Variants in C2CD2 observed in about 807,000 individuals in gnomAD.
The protein encoded by C2CD2 is C2 calcium dependent domain containing 2.
A neutral mutation model predicts 74.3 loss-of-function variants in C2CD2; 43 were observed. The observed-to-expected ratio is 0.58, with a 90% CI of 0.45 to 0.75. The LOEUF (loss-of-function observed/expected upper bound fraction) is 0.75. Among genes scored for constraint, C2CD2 ranks in the 30% least tolerant of loss-of-function variants. C2CD2 has a pLI of 0.00. For synonymous variants in C2CD2, 422 were observed against 390.7 expected, an observed-to-expected ratio of 1.08 and a Z score of -0.94; for missense variants, 801 against 916.3, an observed-to-expected ratio of 0.87 and a Z score of 1.63.
At chr21:41,946,634 GTCTTTCTGGCATT>G (rs1287523054) in intron 1 of C2CD2, among the ~76,000 whole-genome samples, 1 of 152,174 alleles carries the variant, frequency 6.6e-6, no homozygotes, top group Admixed American at 6.5e-5. Flanking sequence ...TAAACCACCA[GTCTTTCTGGCATT>G]TCTTTCTGGC....
At chr21:41,901,028 T>G (rs190633183) in intron 12 of C2CD2, 245 of 152,488 alleles carry the variant, frequency 1.6e-3, no homozygotes, top group Non-Finnish European at 2.0e-3. Context: ...TTTTAAAAAA[T>G]GTAATAAAAA....
In C2CD2 at chr21:41,926,400, C is replaced by T; in HGVS notation, c.379-4315G>A. The T allele has an allele frequency of 1.0e-6, 1 of 982,772 alleles. No individual in the cohort carries two copies. Among genetic ancestry groups the T allele is most frequent in the Non-Finnish European group, 1.2e-6 (1 of 827,686 alleles). The allele number at this position is 982,772 out of a possible 1,614,324, so 60.9% of individuals were successfully genotyped here. A position where few individuals can be genotyped will look rare whatever the true frequency, so the allele number is the denominator to read the frequency against. ...CACATGGAAAGGCCAAGGGGGGACT[C>T]ACGGTTGGCAGGTGAGGGTTTGGGT... is the stretch of plus-strand genomic sequence containing the variant. On this transcript the variant is annotated intron_variant, in intron 2 of 13. Transcript: ENST00000380486. The surrounding 1 kb of genome is among the most constrained non-coding windows in gnomAD (Gnocchi z 8.0).
At chr21:41,936,509 G>A (rs971366695) in intron 2 of C2CD2, among the ~76,000 whole-genome samples, 16 of 152,132 alleles carry the variant, frequency 1.1e-4, no homozygotes, top group African/African-American at 3.4e-4. Context: ...AAATTATTCC[G>A]GCCATTACAG....
rs769083213 is a variant in C2CD2, at chr21:41,907,017, C to A, written c.1293G>T (p.Val431=). ...CAGAGCTCAGCGGGGACGCCCTCCC[C>A]ACGTCGACGCGAGGCTTGGTCTTCA... ...TAVKTKPRVD[V]GRASPLSSDS... The change falls in exon 10 of 14, where the codon GTG becomes GTT. Residue 431 remains valine, a synonymous_variant. Coordinates refer to ENST00000380486, the MANE Select transcript of C2CD2 (RefSeq NM_015500.2). The A allele has an allele frequency of 2.7e-5, 44 of 1,613,896 alleles. No homozygotes were observed. Among genetic ancestry groups the A allele is most frequent in the Non-Finnish European group, 3.6e-5 (42 of 1,180,000 alleles).
rs1321355612 is a variant in C2CD2 at position 41,889,351 on chromosome 21, G to C, written c.1871-7C>G. 1 of 1,605,416 alleles carries C rather than the reference G, an allele frequency of 6.2e-7. No homozygotes were observed. Among genetic ancestry groups the C allele is most frequent in the Non-Finnish European group, 8.5e-7 (1 of 1,172,760 alleles). On this transcript the variant is annotated splice_polypyrimidine_tract_variant and splice_region_variant and intron_variant, in intron 13 of 13. Coordinates refer to ENST00000380486, the MANE Select transcript of C2CD2 (RefSeq NM_015500.2). ...CCTTTCCTTAGAATTCCTCCTGGAA[G>C]AGGGAGGCACAAGGGCTGGTCAAGT...
chr21:41,918,018 G>T lies in C2CD2; in HGVS notation c.720+87C>A, dbSNP rs559646626. 1.0e-5 allele frequency: 15 copies of T among 1,499,464 alleles called. No individual in the cohort carries two copies. The Admixed American group carries it at 2.6e-4, about 26-fold the overall frequency. The allele number at this position is 1,499,464 out of a possible 1,614,324, so 92.9% of individuals were successfully genotyped here. ...GCTCTACCATGGGAGGTGGAGGAACGCTGGAACGCACACAGATTCTCCAAG... is the reference window on the plus strand; with the variant it reads ...GCTCTACCATGGGAGGTGGAGGAACTCTGGAACGCACACAGATTCTCCAAG... On this transcript the variant is annotated intron_variant, in intron 5 of 13. Coordinates refer to ENST00000380486, the MANE Select transcript of C2CD2 (RefSeq NM_015500.2).
chr21:41,896,710 A>AG (rs2064827029), intron 13 of C2CD2, among the ~76,000 whole-genome samples: 1 of 145,430 alleles, frequency 6.9e-6, no homozygotes, highest in South Asian at 2.1e-4. Flanking sequence ...CTTAAACCAA[A>AG]AAAAAAAAAA....
chr21:41,888,424 T>C lies in C2CD2; in HGVS notation c.*700A>G, dbSNP rs2146120475. On this transcript the variant is annotated 3_prime_UTR_variant, in exon 14 of 14. Coordinates refer to ENST00000380486, the MANE Select transcript of C2CD2 (RefSeq NM_015500.2). ...TAAAAACCATGTGAGAATATATATA[T>C]CTTCCACTTGCAAGTAGGCTCAAAG... 6.5e-6 allele frequency: 1 copy of C among 152,748 alleles called. No individual in the cohort carries two copies. The highest frequency in any genetic ancestry group is 1.9e-4 in the East Asian group (1 of 5,184). 9.5% of individuals were successfully genotyped at this position (152,748 alleles called of 1,614,324 possible).
intron 2 of C2CD2, among the ~76,000 whole-genome samples, chr21:41,941,234 G>A (rs563773558): frequency 1.3e-5 from 2 of 152,240 alleles, no homozygotes; most frequent in African/African-American, 4.8e-5. Flanking sequence ...GGTGACACGT[G>A]CCTGTAGTCC....
chr21:41,902,609 T>G (rs2064912808), intron 11 of C2CD2, among the ~76,000 whole-genome samples: 2 of 152,148 alleles, frequency 1.3e-5, no homozygotes, highest in African/African-American at 4.8e-5. Context: ...GCAAAGCTAT[T>G]AAAGTAGCAG....
chr21:41,944,191 C>T (rs2065378654), intron 1 of C2CD2, among the ~76,000 whole-genome samples: 1 of 152,226 alleles, frequency 6.6e-6, no homozygotes. Flanking sequence ...TACCCTCTTC[C>T]CTTGCTACCT....
chr21:41,933,050 A>G (rs1199209926), intron 2 of C2CD2, among the ~76,000 whole-genome samples: 2 of 150,342 alleles, frequency 1.3e-5, no homozygotes, highest in Non-Finnish European at 1.5e-5. Flanking sequence ...ATGGCATTAC[A>G]TAACAGACAG....
At chr21:41,953,210 C>T (rs1370865342) in intron 1 of C2CD2, 160 bp downstream of exon 1, 5 of 428,658 alleles carry the variant, frequency 1.2e-5, no homozygotes, top group Non-Finnish European at 1.2e-5. Flanking sequence ...AGGGGCCTCG[C>T]TCCCCCGTCT....
rs11347156 is a variant in C2CD2 at position 41,886,659 on chromosome 21, CT to C, written c.*2464del. The C allele has an allele frequency of 0.86, 126,404 of 147,592 alleles. 54,159 individuals carry two copies. Among genetic ancestry groups the C allele is most frequent in the African/African-American group, 0.93 (37,302 of 40,148 alleles). 9.1% of individuals were successfully genotyped at this position (147,592 alleles called of 1,614,324 possible). A position where few individuals can be genotyped will look rare whatever the true frequency, so the allele number is the denominator to read the frequency against. On this transcript the variant is annotated 3_prime_UTR_variant, in exon 14 of 14. Coordinates refer to ENST00000380486, the MANE Select transcript of C2CD2 (RefSeq NM_015500.2). ...CATCTGGAAATGGAATAGTTAAAACCTTTTTTTTTTTTTGAGAGCAAGAAGG... is the reference window on the plus strand; with the variant it reads ...CATCTGGAAATGGAATAGTTAAAACCTTTTTTTTTTTTGAGAGCAAGAAGG...
intron 5 of C2CD2, among the ~76,000 whole-genome samples, chr21:41,915,279 A>C (rs556435112): frequency 6.6e-6 from 1 of 152,268 alleles, no homozygotes; most frequent in Non-Finnish European, 1.5e-5. Context: ...GGCAGCTGGG[A>C]CCAGCTTCTA....
intron 1 of C2CD2, 126 bp from the exon 2 acceptor site, chr21:41,942,371 C>A: frequency 1.4e-6 from 1 of 718,030 alleles, no homozygotes; most frequent in Non-Finnish European, 2.3e-6. Flanking sequence ...GAACTCTGTG[C>A]TTCTAATAGC....
Position 41,924,107 on chromosome 21 carries a change from G to T in C2CD2, c.379-2022C>A, listed in dbSNP as rs762592062. ...GAGAAAATTCTTTAATTCTCTGGTG[G>T]ATTTATCAGAATCTAAAATACCAAA... On this transcript the variant is annotated intron_variant, in intron 2 of 13. Coordinates refer to ENST00000380486, the MANE Select transcript of C2CD2 (RefSeq NM_015500.2). This position sits in a 1 kb window ranked among gnomAD's most constrained non-coding sequence, Gnocchi z 4.4. Among the ~76,000 whole-genome samples the T allele has an allele frequency of 1.3e-5, 2 of 152,234 alleles. No individual in the cohort carries two copies. Among genetic ancestry groups the T allele is most frequent in the Non-Finnish European group, 2.9e-5 (2 of 68,036 alleles).
intron 3 of C2CD2, among the ~76,000 whole-genome samples, chr21:41,921,768 A>G (rs983893226): frequency 4.7e-5 from 7 of 148,530 alleles, no homozygotes; most frequent in Non-Finnish European, 9.0e-5. Flanking sequence ...GTGTGTGTGT[A>G]GTGTGTGTGT....
Position 41,895,259 on chromosome 21 carries a change from G to A in C2CD2, c.1870+3794C>T, listed in dbSNP as rs890428561. ...GATTTCAGACCTGTCAATCTCATGA[G>A]TCAGTTCCTTAAATATGTAACCTAT... On this transcript the variant is annotated intron_variant, in intron 13 of 13. Coordinates refer to ENST00000380486, the MANE Select transcript of C2CD2 (RefSeq NM_015500.2). This position sits in a 1 kb window ranked among gnomAD's most constrained non-coding sequence, Gnocchi z 5.0. 6.6e-6 allele frequency among the ~76,000 whole-genome samples: 1 copy of A among 152,184 alleles called. No individual in the cohort carries two copies. Among genetic ancestry groups the A allele is most frequent in the Non-Finnish European group, 1.5e-5 (1 of 68,036 alleles).
Sources: gnomAD v4.1 joint callset for allele counts (sites outside exome capture counted in the v4.1 genomes callset) on GRCh38, gnomAD v4.1.1 for gene constraint, Gnocchi (gnomAD v3.1) non-coding constraint, MANE v1.5 for transcripts, NCBI Gene and HGNC (gene_info 2026-07-23, HGNC 2026-07-21) for gene names.